Variants in PIEZO1 observed in about 807,000 individuals in gnomAD.
The protein encoded by PIEZO1 is piezo-type mechanosensitive ion channel component 1.
Under a neutral mutation model 297.2 loss-of-function variants are expected in PIEZO1, and 296 were observed. The observed-to-expected ratio is 1.00, with a 90% CI of 0.91 to 1.10. The LOEUF is 1.10. PIEZO1 is among the 50% of genes least tolerant of loss of function. PIEZO1 has a pLI of 0.00. For missense variants in PIEZO1, 5,018 were observed against 3,455.5 expected, an observed-to-expected ratio of 1.45 and a Z score of -11.34; for synonymous variants, 2,427 against 1,507.5, an observed-to-expected ratio of 1.61 and a Z score of -14.13.
intron 2 of PIEZO1, among the ~76,000 whole-genome samples, chr16:88,746,191 T>C (rs1906047228): frequency 6.6e-6 from 1 of 151,870 alleles, no homozygotes; most frequent in Non-Finnish European, 1.5e-5. Context: ...GAGGGGCCTT[T>C]TGAGACAGAG....
rs1449169956 is a variant in PIEZO1, at chr16:88,734,363, C to T, written c.2173G>A (p.Ala725Thr). The T allele has an allele frequency of 1.3e-6, 2 of 1,531,802 alleles. No homozygotes were observed. Among genetic ancestry groups the T allele is most frequent in the South Asian group, 1.2e-5 (1 of 80,968 alleles). 94.9% of individuals were successfully genotyped at this position (1,531,802 alleles called of 1,614,324 possible). The change falls in exon 16 of 51, where the codon GCT (alanine) becomes ACT (threonine). Residue 725 changes from alanine (A) to threonine (T), a missense_variant. By Grantham distance (58) the Ala-to-Thr change is moderately conservative. Transcript: ENST00000301015. Reference protein sequence around the residue: ...SLPGTRLPRWAHRQDAVSGTP... With the variant: ...SLPGTRLPRWTHRQDAVSGTP... ...GGGAGGGCGGGGCCGCACCTGTGAG[C>T]CCAGCGCGGGAGGCGCGTGCCAGGC...
intron 1 of PIEZO1, among the ~76,000 whole-genome samples, chr16:88,769,465 C>G (rs2341001): frequency 0.59 from 90,477 of 152,184 alleles, 28,078 homozygotes; most frequent in African/African-American, 0.79. Flanking sequence ...CCAGGCTACA[C>G]CATCCTCGCA....
At chr16:88,734,165 G>A in intron 16 of PIEZO1, 111 bp from the exon 17 acceptor site, 1 of 1,369,380 alleles carries the variant, frequency 7.3e-7, no homozygotes, top group Non-Finnish European at 9.8e-7. Flanking sequence ...CAGTTCAGGT[G>A]CACAGCTGTG....
intron 31 of PIEZO1, among the ~76,000 whole-genome samples, chr16:88,723,662 C>G (rs917129347): frequency 1.3e-5 from 2 of 152,256 alleles, no homozygotes; most frequent in African/African-American, 4.8e-5. Flanking sequence ...GAGCCAAGAC[C>G]GTGGGGCAGC....
At chr16:88,757,652 G>A (rs1292489841) in intron 1 of PIEZO1, among the ~76,000 whole-genome samples, 6 of 152,160 alleles carry the variant, frequency 3.9e-5, no homozygotes, top group African/African-American at 4.8e-5. Context: ...AGGAGAGCCC[G>A]AGGGTTGGAG....
At position 88,726,544 on chromosome 16, in the gene PIEZO1, C is replaced by G; in HGVS notation, c.3796+3G>C. 6.5e-7 allele frequency: 1 copy of G among 1,549,294 alleles called. No homozygotes were observed. On this transcript the variant is annotated splice_donor_region_variant and intron_variant, in intron 26 of 50. Coordinates refer to ENST00000301015, the MANE Select transcript of PIEZO1 (RefSeq NM_001142864.4). ...CTCCCCCGCCACCGTCCTGGCCACTCACGGTCATAGTAGCCCTTGACGGTG... is the reference window on the plus strand; with the variant it reads ...CTCCCCCGCCACCGTCCTGGCCACTGACGGTCATAGTAGCCCTTGACGGTG...
intron 2 of PIEZO1, among the ~76,000 whole-genome samples, chr16:88,744,817 G>A (rs1338948759): frequency 6.6e-6 from 1 of 152,050 alleles, no homozygotes; most frequent in Non-Finnish European, 1.5e-5. Context: ...CCCTGCCTGG[G>A]CTGGATCAGA....
At chr16:88,744,060 C>T (rs1905875816) in intron 2 of PIEZO1, 1 of 179,042 alleles carries the variant, frequency 5.6e-6, no homozygotes, top group Admixed American at 5.5e-5. Context: ...TCACGACCTC[C>T]GTGCCGGGCT....
intron 35 of PIEZO1, 80 bp from the exon 36 acceptor site, chr16:88,722,477 G>A (rs1361302937): frequency 7.0e-7 from 1 of 1,437,904 alleles, no homozygotes; most frequent in African/African-American, 1.4e-5. Flanking sequence ...GGTGGAAAGT[G>A]CCCACGGTCC....
intron 22 of PIEZO1, chr16:88,731,351 T>A: frequency 1.2e-5 from 3 of 256,346 alleles, no homozygotes; most frequent in Non-Finnish European, 2.3e-5. Flanking sequence ...AGGAGACGCA[T>A]GCTCGAGGCA....
At chr16:88,778,008 G>A (rs1040612325) in intron 1 of PIEZO1, among the ~76,000 whole-genome samples, 18 of 152,236 alleles carry the variant, frequency 1.2e-4, no homozygotes, top group Admixed American at 8.5e-4. Flanking sequence ...ACAAGCCTCC[G>A]GGAGCTCCTG....
chr16:88,724,382 T>G (rs1214894686), intron 30 of PIEZO1, among the ~76,000 whole-genome samples: 1 of 151,560 alleles, frequency 6.6e-6, no homozygotes, highest in Non-Finnish European at 1.5e-5. Flanking sequence ...AATACGAAAA[T>G]TAGCTGGGCG....
At chr16:88,754,187 T>C (rs1376472378) in intron 1 of PIEZO1, among the ~76,000 whole-genome samples, 1 of 152,080 alleles carries the variant, frequency 6.6e-6, no homozygotes, top group Non-Finnish European at 1.5e-5. Flanking sequence ...CAGACCTTCA[T>C]CCTACAGCTG....
Position 88,720,723 on chromosome 16 carries a change from C to A in PIEZO1, c.5694G>T (p.Glu1898Asp). ...AIEAEDREEE[E>D]GEEEKEAPTG... ...TGGGGGCCTCTTTCTCTTCCTCCCCCTCTTCTTCCTCCCTGTCCTCAGCTT... is the reference window on the plus strand; with the variant it reads ...TGGGGGCCTCTTTCTCTTCCTCCCCATCTTCTTCCTCCCTGTCCTCAGCTT... Residue 1898 changes from glutamate (E) to aspartate (D), a missense_variant, in exon 40 of 51, where the codon GAG becomes GAT. Coordinates refer to ENST00000301015, the MANE Select transcript of PIEZO1 (RefSeq NM_001142864.4). 6.6e-7 allele frequency: 1 copy of A among 1,523,780 alleles called. No individual in the cohort carries two copies. Among genetic ancestry groups the A allele is most frequent in the Non-Finnish European group, 8.8e-7 (1 of 1,135,480 alleles). The allele number at this position is 1,523,780 out of a possible 1,614,324, so 94.4% of individuals were successfully genotyped here.
chr16:88,759,460 A>G (rs1344398408), intron 1 of PIEZO1, among the ~76,000 whole-genome samples: 4 of 152,134 alleles, frequency 2.6e-5, no homozygotes, highest in Non-Finnish European at 5.9e-5. Context: ...CTCCTGCAAG[A>G]GCGCTCTCTG....
At chr16:88,764,186 G>A (rs554961246) in intron 1 of PIEZO1, among the ~76,000 whole-genome samples, 29 of 152,242 alleles carry the variant, frequency 1.9e-4, no homozygotes, top group Admixed American at 7.8e-4. Context: ...AGGGTGGGGC[G>A]GGGTACGAAA....
At chr16:88,752,792 T>A (rs1450781651) in intron 1 of PIEZO1, among the ~76,000 whole-genome samples, 1 of 151,896 alleles carries the variant, frequency 6.6e-6, no homozygotes, top group Non-Finnish European at 1.5e-5. Context: ...GCAGGGCAAG[T>A]CCCCTGCCTG....
chr16:88,758,670 G>T (rs1354242987), intron 1 of PIEZO1, among the ~76,000 whole-genome samples: 1 of 152,220 alleles, frequency 6.6e-6, no homozygotes, highest in Non-Finnish European at 1.5e-5. Flanking sequence ...GGTCGTGTCT[G>T]TATGTGCCCT....
At chr16:88,724,151 G>C (rs532741177) in intron 30 of PIEZO1, among the ~76,000 whole-genome samples, 180 bp from the exon 31 acceptor site, 1 of 152,260 alleles carries the variant, frequency 6.6e-6, no homozygotes, top group African/African-American at 2.4e-5. Flanking sequence ...CAGGGCAGCT[G>C]AGGAGCAGAG....
Sources: allele counts gnomAD v4.1 joint callset (sites outside exome capture counted in the v4.1 genomes callset), GRCh38; gene constraint gnomAD v4.1.1; transcripts MANE v1.5; gene names NCBI Gene and HGNC (gene_info 2026-07-23, HGNC 2026-07-21).